Variants in PPP2R5D observed in about 807,000 individuals in gnomAD.
The protein encoded by PPP2R5D is protein phosphatase 2 regulatory subunit B'delta.
In PPP2R5D, 12 loss-of-function variants were observed where a neutral mutation model predicts 79.1. The observed-to-expected ratio is 0.15, with a 90% CI of 0.10 to 0.25. The LOEUF (loss-of-function observed/expected upper bound fraction) is 0.25. PPP2R5D is among the 10% of genes least tolerant of loss of function. The pLI is 1.00. For synonymous variants in PPP2R5D, 277 were observed against 286.6 expected, an observed-to-expected ratio of 0.97 and a Z score of 0.34; for missense variants, 419 against 760.2, an observed-to-expected ratio of 0.55 and a Z score of 5.28.
intron 2 of PPP2R5D, among the ~76,000 whole-genome samples, chr6:42,990,693 A>G (rs1423299234): frequency 8.9e-6 from 1 of 112,350 alleles, no homozygotes; most frequent in Non-Finnish European, 1.8e-5. Flanking sequence ...CTTATGCAGT[A>G]TTCTACTTTT....
rs1312881961 is a variant in PPP2R5D, at chr6:42,984,667, G to C, written c.-11G>C. 2 of 1,604,148 alleles carry C rather than the reference G, an allele frequency of 1.2e-6. No individual in the cohort carries two copies. The highest frequency in any genetic ancestry group is 1.1e-5 in the South Asian group (1 of 89,432). ...GGCCGCAGGAGACGGGCCGGGTCCG[G>C]ACGGGCCGAGATGCCCTATAAACTG... On this transcript the variant is annotated 5_prime_UTR_variant, in exon 1 of 16. Transcript: ENST00000485511.
rs1334778360 is a variant in PPP2R5D at position 43,011,617 on chromosome 6, C to G, written c.*331C>G. 1 of 340,436 alleles carries G rather than the reference C, an allele frequency of 2.9e-6. No individual in the cohort carries two copies. Among genetic ancestry groups the G allele is most frequent in the Non-Finnish European group, 5.5e-6 (1 of 182,654 alleles). 21.1% of individuals were successfully genotyped at this position (340,436 alleles called of 1,614,324 possible). A position where few individuals can be genotyped will look rare whatever the true frequency, so the allele number is the denominator to read the frequency against. ...AGTACACACAGGAATACATACGCTC[C>G]TCTATTCTTCCCTTCATCCTCATTT... On this transcript the variant is annotated 3_prime_UTR_variant, in exon 16 of 16. Coordinates refer to ENST00000485511, the MANE Select transcript of PPP2R5D (RefSeq NM_006245.4).
In PPP2R5D at chr6:43,007,267, A is replaced by C. The variant is rs747197366; in HGVS notation, c.594A>C (p.Glu198Asp). The stretch of plus-strand genomic sequence containing the variant: ...CAGGGGCTGAGTTTGACCCAGAGGA[A>C]GATGAGCCCACCCTGGAAGCTGCTT... ...NPTGAEFDPE[E>D]DEPTLEAAWP... Residue 198 changes from glutamate to aspartate, a missense_variant, in exon 5 of 16, where the codon GAA becomes GAC. Coordinates refer to ENST00000485511, the MANE Select transcript of PPP2R5D (RefSeq NM_006245.4). The surrounding 1 kb of genome is among the most constrained non-coding windows in gnomAD (Gnocchi z 4.5). 6.2e-7 allele frequency: 1 copy of C among 1,614,066 alleles called. No individual in the cohort carries two copies. Among genetic ancestry groups the C allele is most frequent in the Admixed American group, 1.7e-5 (1 of 59,998 alleles).
At chr6:43,000,925 C>G (rs1277458265) in intron 2 of PPP2R5D, among the ~76,000 whole-genome samples, 1 of 152,178 alleles carries the variant, frequency 6.6e-6, no homozygotes, top group African/African-American at 2.4e-5. Flanking sequence ...CAAACAGGGT[C>G]CTGGCTTTCA....
rs1481326690 is a variant in PPP2R5D, at chr6:43,010,880, G to C, written c.1555-1G>C. 6.2e-7 allele frequency: 1 copy of C among 1,612,298 alleles called. No homozygotes were observed. The highest frequency in any genetic ancestry group is 8.5e-7 in the Non-Finnish European group (1 of 1,178,848). ...ACGCTTGTCCATGTCTCCTCACTCA[G>C]TATCCCATGTTCCGAGCCCCTCCAC... On this transcript the variant is annotated splice_acceptor_variant, in intron 14 of 15. Coordinates refer to ENST00000485511, the MANE Select transcript of PPP2R5D (RefSeq NM_006245.4). LOFTEE classifies it high-confidence loss of function. The surrounding 1 kb of genome is among the most constrained non-coding windows in gnomAD (Gnocchi z 4.7).
rs755574832 is a variant in PPP2R5D at position 43,007,386 on chromosome 6, C to T, written c.634-28C>T. Reference sequence around the variant, plus strand: ...GGCCTGCAAGTCCTTGGGAACATCCCCTCAGTGGCGTGCCTTTTCCCCTAT... The same window carrying T: ...GGCCTGCAAGTCCTTGGGAACATCCTCTCAGTGGCGTGCCTTTTCCCCTAT... On this transcript the variant is annotated intron_variant, in intron 5 of 15. Coordinates refer to ENST00000485511, the MANE Select transcript of PPP2R5D (RefSeq NM_006245.4). This position sits in a 1 kb window ranked among gnomAD's most constrained non-coding sequence, Gnocchi z 4.5. The T allele has an allele frequency of 6.2e-7, 1 of 1,604,654 alleles. No individual in the cohort carries two copies. Among genetic ancestry groups the T allele is most frequent in the South Asian group, 1.1e-5 (1 of 90,884 alleles).
At chr6:42,993,339 G>A (rs1045651148) in intron 2 of PPP2R5D, among the ~76,000 whole-genome samples, 1 of 151,150 alleles carries the variant, frequency 6.6e-6, no homozygotes, top group South Asian at 2.1e-4. Flanking sequence ...GCGTAGTGGT[G>A]GCGCACCTGT....
rs780114687 is a variant in PPP2R5D, at chr6:43,011,165, A to G, written c.1688A>G (p.Lys563Arg). ...TEAVQMLKDI[K>R]KEKVLLRRKS... ...CACACACAGATGCTAAAAGACATCA[A>G]GAAGGAGAAAGTGCTGCTGCGGAGG... The change falls in exon 16 of 16, where the codon AAG becomes AGG. Residue 563 changes from lysine to arginine, a missense_variant. By Grantham distance (26) the Lys-to-Arg change is conservative. Transcript: ENST00000485511. 5.0e-6 allele frequency: 8 copies of G among 1,614,164 alleles called. No homozygotes were observed. The South Asian group carries it at 6.6e-5, about 13-fold the overall frequency.
In PPP2R5D at chr6:42,984,617, C is replaced by G. The variant is rs1401209514; in HGVS notation, c.-61C>G. 1 of 1,553,212 alleles carries G rather than the reference C, an allele frequency of 6.4e-7. No individual in the cohort carries two copies. Among genetic ancestry groups the G allele is most frequent in the African/African-American group, 1.4e-5 (1 of 71,988 alleles). On this transcript the variant is annotated 5_prime_UTR_variant, in exon 1 of 16. Coordinates refer to ENST00000485511, the MANE Select transcript of PPP2R5D (RefSeq NM_006245.4). The stretch of plus-strand genomic sequence containing the variant: ...GAGACGCCGAGCGGGCCGAGTGCGG[C>G]CGAGCAAAGCCGGAGCCGGAGCGGG...
rs141477349 is a variant in PPP2R5D at position 43,003,659 on chromosome 6, G to C, written c.106-2804G>C. On this transcript the variant is annotated intron_variant, in intron 2 of 15. Coordinates refer to ENST00000485511, the MANE Select transcript of PPP2R5D (RefSeq NM_006245.4). ...TTTTCTGAACCTCGTTTTTGGTTCT[G>C]TGCATGTGTTTTAATGTGAGCGAGC... is the stretch of plus-strand genomic sequence containing the variant. Among the ~76,000 whole-genome samples, 75 of 152,162 alleles carry C rather than the reference G, an allele frequency of 4.9e-4. 1 individual carries two copies. The East Asian group carries it at 0.013, about 25-fold the overall frequency.
chr6:43,009,930 G>A lies in PPP2R5D; in HGVS notation c.1379+481G>A, dbSNP rs994687346. ...CTAAAAATACAAAAATTAGCTGGGT[G>A]TAGTGGTGGATGCCTGTAGTCCCAG... On this transcript the variant is annotated intron_variant, in intron 12 of 15. Coordinates refer to ENST00000485511, the MANE Select transcript of PPP2R5D (RefSeq NM_006245.4). The surrounding 1 kb of genome is among the most constrained non-coding windows in gnomAD (Gnocchi z 5.6). 6.6e-6 allele frequency among the ~76,000 whole-genome samples: 1 copy of A among 152,144 alleles called. No individual in the cohort carries two copies. The highest frequency in any genetic ancestry group is 1.5e-5 in the Non-Finnish European group (1 of 68,034).
intron 2 of PPP2R5D, among the ~76,000 whole-genome samples, chr6:43,002,265 G>A (rs1761782788): frequency 6.6e-6 from 1 of 151,940 alleles, no homozygotes; most frequent in South Asian, 2.1e-4. Context: ...CCGAGTTCAA[G>A]AGATTCTCCT....
intron 2 of PPP2R5D, among the ~76,000 whole-genome samples, chr6:43,000,303 T>C (rs1471557379): frequency 6.8e-6 from 1 of 147,534 alleles, no homozygotes; most frequent in Non-Finnish European, 1.5e-5. Flanking sequence ...AGTAGTGTGA[T>C]TTTGGCTCAC....
intron 1 of PPP2R5D, 107 bp downstream of exon 1, chr6:42,984,811 C>A (rs1770703948): frequency 7.9e-6 from 12 of 1,518,914 alleles, no homozygotes; most frequent in Non-Finnish European, 1.1e-5. Context: ...TCCCGTCCAG[C>A]CCCCGCAGGA....
intron 2 of PPP2R5D, among the ~76,000 whole-genome samples, chr6:43,003,435 TAAAATA>T (rs1561847328): frequency 6.6e-6 from 1 of 151,688 alleles, no homozygotes. Flanking sequence ...AATAAATAAA[TAAAATA>T]AAAATAAAAA....
chr6:43,007,384 C>G lies in PPP2R5D; in HGVS notation c.634-30C>G, dbSNP rs1412179687. 2 of 1,603,684 alleles carry G rather than the reference C, an allele frequency of 1.2e-6. No individual in the cohort carries two copies. Among genetic ancestry groups the G allele is most frequent in the Non-Finnish European group, 1.7e-6 (2 of 1,170,492 alleles). On this transcript the variant is annotated intron_variant, in intron 5 of 15. Transcript: ENST00000485511. This position sits in a 1 kb window ranked among gnomAD's most constrained non-coding sequence, Gnocchi z 4.5. ...GAGGCCTGCAAGTCCTTGGGAACATCCCCTCAGTGGCGTGCCTTTTCCCCT... is the reference window on the plus strand; with the variant it reads ...GAGGCCTGCAAGTCCTTGGGAACATGCCCTCAGTGGCGTGCCTTTTCCCCT...
chr6:42,990,327 C>T (rs1771170118), intron 2 of PPP2R5D, among the ~76,000 whole-genome samples: 1 of 152,178 alleles, frequency 6.6e-6, no homozygotes, highest in South Asian at 2.1e-4. Context: ...TGTGAACATA[C>T]ACAGCGAGCA....
intron 1 of PPP2R5D, among the ~76,000 whole-genome samples, chr6:42,986,582 C>G (rs1770867925): frequency 6.6e-6 from 1 of 151,976 alleles, no homozygotes. Context: ...TTGTGCCCCA[C>G]CCAGGCCCTG....
At chr6:42,989,526 T>C (rs1392077054) in intron 1 of PPP2R5D, 85 bp from the exon 2 acceptor site, 3 of 1,159,026 alleles carry the variant, frequency 2.6e-6, no homozygotes, top group Non-Finnish European at 3.8e-6. Flanking sequence ...ACAGAGGATA[T>C]TTGCAACAAA....
Sources: gnomAD v4.1 joint callset for allele counts (sites outside exome capture counted in the v4.1 genomes callset) on GRCh38, gnomAD v4.1.1 for gene constraint, Gnocchi (gnomAD v3.1) non-coding constraint, MANE v1.5 for transcripts, NCBI Gene and HGNC (gene_info 2026-07-23, HGNC 2026-07-21) for gene names.